The following MAPKAP1 variants were observed in gnomAD, a reference collection of about 807,000 sequenced individuals.
The protein encoded by MAPKAP1 is target of rapamycin complex 2 subunit MAPKAP1.
A neutral mutation model predicts 65.7 loss-of-function variants in MAPKAP1; 20 were observed. The ratio of observed to expected loss-of-function variants is 0.30; its 90% CI spans 0.21 to 0.44. The LOEUF (loss-of-function observed/expected upper bound fraction) is 0.44, where lower values mean the gene tolerates loss of function less well. MAPKAP1 is among the 20% of genes least tolerant of loss of function. MAPKAP1 has a pLI of 1.00. For missense variants in MAPKAP1, 423 were observed against 648.0 expected (o/e 0.65, Z 3.77); for synonymous variants, 222 against 244.3 (o/e 0.91, Z 0.85).
chr9:125,468,046 C>A lies in MAPKAP1; in HGVS notation c.1271G>T (p.Trp424Leu). ...GATTGAGATGGGTTTCTGCTTAATCCAAAACTTAGTGCTGGCTTTCTGATT... is the reference window on the plus strand; with the variant it reads ...GATTGAGATGGGTTTCTGCTTAATCAAAAACTTAGTGCTGGCTTTCTGATT... ...VTNQKASTKF[W>L]IKQKPISIDS... The change falls in exon 10 of 12, where the codon TGG becomes TTG. Residue 424 changes from tryptophan (W) to leucine (L), a missense_variant. Trp to Leu is a moderately conservative substitution (Grantham distance 61). Around this residue, in one of 6 missense-constraint regions of MAPKAP1, gnomAD observed 185 missense variants for 268.1 expected, o/e 0.69. Transcript: ENST00000265960. 6.2e-7 allele frequency: 1 copy of A among 1,614,158 alleles called. No homozygotes were observed. Among genetic ancestry groups the A allele is most frequent in the Non-Finnish European group, 8.5e-7 (1 of 1,180,020 alleles).
chr9:125,683,612 A>T (rs1037335621), intron 1 of MAPKAP1, among the ~76,000 whole-genome samples: 1 of 152,178 alleles, frequency 6.6e-6, no homozygotes, highest in Non-Finnish European at 1.5e-5. Flanking sequence ...GAGAGATTGG[A>T]AGATCTTTCC....
chr9:125,448,555 AG>A (rs1235843599), intron 10 of MAPKAP1, among the ~76,000 whole-genome samples: 2 of 152,216 alleles, frequency 1.3e-5, no homozygotes, highest in East Asian at 3.8e-4. Context: ...CCTCAGCTGC[AG>A]CCCACCAGGC....
At chr9:125,489,883 C>T (rs1390015384) in intron 8 of MAPKAP1, among the ~76,000 whole-genome samples, 1 of 152,154 alleles carries the variant, frequency 6.6e-6, no homozygotes, top group Non-Finnish European at 1.5e-5. Context: ...CTCAAAGTGT[C>T]AAGACTGGGT....
chr9:125,676,977 T>C (rs983227832), intron 1 of MAPKAP1, among the ~76,000 whole-genome samples: 6 of 152,236 alleles, frequency 3.9e-5, no homozygotes, highest in Admixed American at 3.3e-4. Flanking sequence ...CCCAAACTTA[T>C]TCCATCCATA....
intron 6 of MAPKAP1, among the ~76,000 whole-genome samples, chr9:125,556,132 G>T (rs567426068): frequency 1.4e-4 from 21 of 152,330 alleles, no homozygotes; most frequent in African/African-American, 4.8e-4. Flanking sequence ...AAGTGCTTCA[G>T]ATCTATTAAC....
chr9:125,489,276 A>G (rs1212606652), intron 8 of MAPKAP1, among the ~76,000 whole-genome samples: 7 of 152,144 alleles, frequency 4.6e-5, no homozygotes, highest in Non-Finnish European at 8.8e-5. Flanking sequence ...CAATTAAATG[A>G]AACAAAAGCC....
At chr9:125,488,337 T>C (rs569870640) in intron 8 of MAPKAP1, among the ~76,000 whole-genome samples, 32 of 152,034 alleles carry the variant, frequency 2.1e-4, no homozygotes, top group Middle Eastern at 3.4e-3. Flanking sequence ...GATCAACTTC[T>C]GGTTTTGGAG....
chr9:125,664,857 T>C (rs950459376), intron 3 of MAPKAP1, among the ~76,000 whole-genome samples: 1 of 151,834 alleles, frequency 6.6e-6, no homozygotes, highest in Non-Finnish European at 1.5e-5. Flanking sequence ...AGAAAGACTA[T>C]AAAGTCTTTG....
rs1436583660 is a variant in MAPKAP1, at chr9:125,577,883, G to A, written c.671+7672C>T. Among the ~76,000 whole-genome samples the A allele has an allele frequency of 2.6e-5, 4 of 151,412 alleles. No individual in the cohort carries two copies. In the East Asian group the frequency reaches 7.9e-4, roughly 30 times the overall value. Reference sequence around the variant, plus strand: ...GCGCCTCTGCCCGGCCGCCCCTACTGGGAGGTGAGGAGCCCCTCTGCCCGG... The same window carrying A: ...GCGCCTCTGCCCGGCCGCCCCTACTAGGAGGTGAGGAGCCCCTCTGCCCGG... On this transcript the variant is annotated intron_variant, in intron 5 of 11. Transcript: ENST00000265960.
intron 7 of MAPKAP1, among the ~76,000 whole-genome samples, chr9:125,530,537 C>G (rs1234139538): frequency 6.6e-6 from 1 of 152,154 alleles, no homozygotes; most frequent in Admixed American, 6.5e-5. Flanking sequence ...GAATCTTTGG[C>G]ATAGGAAATT....
At chr9:125,663,397 C>T (rs1043941016) in intron 3 of MAPKAP1, among the ~76,000 whole-genome samples, 1 of 152,170 alleles carries the variant, frequency 6.6e-6, no homozygotes, top group Non-Finnish European at 1.5e-5. Flanking sequence ...TCAAACAGTA[C>T]CTTCCTAATG....
intron 3 of MAPKAP1, among the ~76,000 whole-genome samples, chr9:125,661,093 G>T (rs558403467): frequency 1.3e-5 from 2 of 151,990 alleles, no homozygotes; most frequent in Non-Finnish European, 2.9e-5. Context: ...CACAGAAAAA[G>T]AAATGTAAAC....
chr9:125,482,989 T>C (rs2133034347), intron 9 of MAPKAP1, among the ~76,000 whole-genome samples: 1 of 152,354 alleles, frequency 6.6e-6, no homozygotes, highest in South Asian at 2.1e-4. Context: ...ACTGGGGCTC[T>C]GCATCATTTG....
chr9:125,471,093 C>G (rs943334146), intron 9 of MAPKAP1: 1 of 152,230 alleles, frequency 6.6e-6, no homozygotes, highest in African/African-American at 2.4e-5. Context: ...CCTCTTAACA[C>G]TTGTGTGAGT....
At chr9:125,636,577 C>T (rs528778122) in intron 4 of MAPKAP1, among the ~76,000 whole-genome samples, 1 of 152,230 alleles carries the variant, frequency 6.6e-6, no homozygotes, top group African/African-American at 2.4e-5. Context: ...AATTCTAAAC[C>T]AAATAATGAA....
chr9:125,628,693 G>C (rs997549367), intron 4 of MAPKAP1, among the ~76,000 whole-genome samples: 4 of 152,006 alleles, frequency 2.6e-5, no homozygotes, highest in Admixed American at 6.6e-5. Flanking sequence ...CAAAAGCATG[G>C]GTAATCAAAG....
chr9:125,456,914 A>G (rs1450373553), intron 10 of MAPKAP1, among the ~76,000 whole-genome samples: 4 of 152,094 alleles, frequency 2.6e-5, no homozygotes, highest in Non-Finnish European at 4.4e-5. Context: ...GTTTTGGGGC[A>G]ATTTGTTTTG....
chr9:125,694,011 T>C (rs1315140661), intron 1 of MAPKAP1, among the ~76,000 whole-genome samples: 2 of 152,012 alleles, frequency 1.3e-5, no homozygotes, highest in Non-Finnish European at 2.9e-5. Context: ...CTGTTATTTG[T>C]ATTAAAATTT....
chr9:125,605,644 C>T (rs1208445331), intron 4 of MAPKAP1, among the ~76,000 whole-genome samples: 1 of 152,204 alleles, frequency 6.6e-6, no homozygotes, highest in Non-Finnish European at 1.5e-5. Context: ...CGGCTGGCAT[C>T]CCACCCTGCC....
Sources: allele counts gnomAD v4.1 joint callset (sites outside exome capture counted in the v4.1 genomes callset), GRCh38; gene constraint gnomAD v4.1.1; regional missense constraint gnomAD v4.1.1; transcripts MANE v1.5; gene names NCBI Gene and HGNC (gene_info 2026-07-23, HGNC 2026-07-21).